Variants in CHCHD6 observed in about 807,000 individuals in gnomAD.
CHCHD6 encodes the protein coiled-coil-helix-coiled-coil-helix domain containing 6, also known as MICOS complex subunit MIC25.
Under a neutral mutation model 32.3 loss-of-function variants are expected in CHCHD6, and 28 were observed. That is an observed-to-expected ratio of 0.87 (90% CI 0.64 to 1.19). The LOEUF (loss-of-function observed/expected upper bound fraction) is 1.19, where lower values mean the gene tolerates loss of function less well. Ranked by LOEUF, CHCHD6 falls within the 50% of genes most tolerant of loss-of-function variation. The probability of loss-of-function intolerance (pLI) is 0.00; values close to 1 mark genes in which losing one functional copy is unlikely to be tolerated. For missense variants in CHCHD6, 333 were observed against 307.0 expected, an observed-to-expected ratio of 1.08 and a Z score of -0.63; for synonymous variants, 122 against 117.5, an observed-to-expected ratio of 1.04 and a Z score of -0.25.
chr3:126,909,382 CT>C (rs2078051684), intron 5 of CHCHD6, among the ~76,000 whole-genome samples: 1 of 152,252 alleles, frequency 6.6e-6, no homozygotes, highest in South Asian at 2.1e-4. Context: ...GTGATCTCTT[CT>C]GCTCAGACAC....
rs573594700 is a variant in CHCHD6, at chr3:126,838,067, A to C, written c.412-14580A>C. On this transcript the variant is annotated intron_variant, in intron 4 of 7. Coordinates refer to ENST00000290913, the MANE Select transcript of CHCHD6 (RefSeq NM_032343.3). ...TGTCAGCACTGCAGCCTGCAGGTGG[A>C]GATTTGGAAGAAAGCAGCATGAGCA... is the stretch of plus-strand genomic sequence containing the variant. 6.6e-5 allele frequency among the ~76,000 whole-genome samples: 10 copies of C among 152,284 alleles called. No homozygotes were observed. In the East Asian group the frequency reaches 1.9e-3, roughly 29 times the overall value.
At chr3:126,717,793 G>C (rs143725999) in intron 1 of CHCHD6, among the ~76,000 whole-genome samples, 1 of 151,980 alleles carries the variant, frequency 6.6e-6, no homozygotes, top group African/African-American at 2.4e-5. Flanking sequence ...GTGTGGCTTA[G>C]ATTGAGGCTT....
chr3:126,844,021 A>G (rs1576484247), intron 4 of CHCHD6, among the ~76,000 whole-genome samples: 1 of 152,224 alleles, frequency 6.6e-6, no homozygotes, highest in East Asian at 1.9e-4. Context: ...TAATATGCTT[A>G]TTTTCTAAAC....
intron 4 of CHCHD6, among the ~76,000 whole-genome samples, chr3:126,796,721 C>T (rs1382967915): frequency 1.3e-5 from 2 of 152,088 alleles, no homozygotes; most frequent in African/African-American, 4.8e-5. Context: ...GTTAGTGGGC[C>T]ATGGAGATGG....
In CHCHD6 at chr3:126,813,817, A is replaced by G. The variant is rs143379472; in HGVS notation, c.412-38830A>G. Among the ~76,000 whole-genome samples, 5 of 152,322 alleles carry G rather than the reference A, an allele frequency of 3.3e-5. No homozygotes were observed. The East Asian group carries it at 9.6e-4, about 29-fold the overall frequency. ...AATGGAGCTGGTTTATGTTGGGACA[A>G]GAGGGTATTGCCTAGAGTGAACCTC... is the stretch of plus-strand genomic sequence containing the variant. On this transcript the variant is annotated intron_variant, in intron 4 of 7. Transcript: ENST00000290913.
chr3:126,931,908 C>T (rs1347560217), intron 6 of CHCHD6, among the ~76,000 whole-genome samples: 1 of 152,188 alleles, frequency 6.6e-6, no homozygotes, highest in Non-Finnish European at 1.5e-5. Flanking sequence ...GGGGAGCCCT[C>T]ACCCCATTTT....
chr3:126,886,423 C>T (rs894640251), intron 5 of CHCHD6, among the ~76,000 whole-genome samples: 2 of 152,342 alleles, frequency 1.3e-5, no homozygotes, highest in East Asian at 1.9e-4. Context: ...CACATCTACG[C>T]TGTAGACACT....
intron 4 of CHCHD6, among the ~76,000 whole-genome samples, chr3:126,756,629 G>A (rs985761058): frequency 7.2e-5 from 11 of 152,314 alleles, no homozygotes; most frequent in Admixed American, 1.3e-4. Context: ...CTCTGTGGCC[G>A]CAGTTTCCTC....
intron 4 of CHCHD6, among the ~76,000 whole-genome samples, chr3:126,826,932 C>A (rs1304157940): frequency 1.3e-5 from 2 of 151,958 alleles, no homozygotes; most frequent in Non-Finnish European, 2.9e-5. Context: ...GCCTGAGGGA[C>A]CAGGGAAGGC....
At chr3:126,904,348 T>C (rs1190198989) in intron 5 of CHCHD6, among the ~76,000 whole-genome samples, 2 of 152,180 alleles carry the variant, frequency 1.3e-5, no homozygotes, top group African/African-American at 2.4e-5. Context: ...AGGTCCACCA[T>C]AGAGGTGGGT....
intron 5 of CHCHD6, among the ~76,000 whole-genome samples, chr3:126,906,047 G>C (rs767941956): frequency 1.3e-5 from 2 of 152,188 alleles, no homozygotes; most frequent in Non-Finnish European, 1.5e-5. Context: ...TTCCTGAGTA[G>C]ATGCTGCACA....
chr3:126,842,555 A>G (rs2107547513), intron 4 of CHCHD6, among the ~76,000 whole-genome samples: 1 of 152,316 alleles, frequency 6.6e-6, no homozygotes, highest in African/African-American at 2.4e-5. Flanking sequence ...TTGTGTGATA[A>G]TGCAGCAAGT....
In CHCHD6 at chr3:126,865,292, C is replaced by T. The variant is rs143654914; in HGVS notation, c.495+12562C>T. On this transcript the variant is annotated intron_variant, in intron 5 of 7. Transcript: ENST00000290913. ...ATTTTACCTCCTCTACTTCCAGCCA[C>T]CTCCATTACCAACTACACCTCTACC... 2.2e-4 allele frequency among the ~76,000 whole-genome samples: 33 copies of T among 151,936 alleles called. No homozygotes were observed. The East Asian group carries it at 4.7e-3, about 21-fold the overall frequency.
At chr3:126,764,979 G>C (rs1430133387) in intron 4 of CHCHD6, among the ~76,000 whole-genome samples, 2 of 152,160 alleles carry the variant, frequency 1.3e-5, no homozygotes, top group African/African-American at 4.8e-5. Flanking sequence ...CTTGGGACTG[G>C]CGGGACAGAC....
chr3:126,882,422 C>A (rs1218093355), intron 5 of CHCHD6, among the ~76,000 whole-genome samples: 1 of 152,212 alleles, frequency 6.6e-6, no homozygotes, highest in African/African-American at 2.4e-5. Flanking sequence ...TACTAAGAAA[C>A]AGAAGTCCTG....
chr3:126,910,589 T>G (rs1238255709), intron 5 of CHCHD6, among the ~76,000 whole-genome samples: 1 of 152,230 alleles, frequency 6.6e-6, no homozygotes, highest in African/African-American at 2.4e-5. Context: ...CCCAAGAATT[T>G]GACTTATACA....
chr3:126,872,964 C>G (rs1049117467), intron 5 of CHCHD6, among the ~76,000 whole-genome samples: 4 of 152,162 alleles, frequency 2.6e-5, no homozygotes, highest in African/African-American at 9.7e-5. Flanking sequence ...ACTTTTTTGA[C>G]AGGGGCTACT....
At chr3:126,923,939 G>A (rs1422796308) in intron 6 of CHCHD6, among the ~76,000 whole-genome samples, 3 of 152,144 alleles carry the variant, frequency 2.0e-5, no homozygotes, top group Non-Finnish European at 4.4e-5. Flanking sequence ...GGACACATAG[G>A]AGCCCACAGC....
At chr3:126,945,717 T>C (rs1164942432) in intron 6 of CHCHD6, among the ~76,000 whole-genome samples, 1 of 95,368 alleles carries the variant, frequency 1.0e-5, no homozygotes, top group Non-Finnish European at 2.0e-5. Context: ...TCGGGGAGAC[T>C]CGAGTAGGGA....
Sources: gnomAD v4.1 joint callset for allele counts (sites outside exome capture counted in the v4.1 genomes callset) on GRCh38, gnomAD v4.1.1 for gene constraint, MANE v1.5 for transcripts, NCBI Gene and HGNC (gene_info 2026-07-23, HGNC 2026-07-21) for gene names.